The following RAI1 variants were observed in gnomAD, a reference collection of about 807,000 sequenced individuals.
RAI1 encodes the protein retinoic acid-induced protein 1.
A neutral mutation model predicts 123.8 loss-of-function variants in RAI1; 9 were observed. The ratio of observed to expected loss-of-function variants is 0.07; its 90% CI spans 0.04 to 0.13. The LOEUF (loss-of-function observed/expected upper bound fraction) is 0.13, where lower values mean the gene tolerates loss of function less well. RAI1 is among the 10% of genes least tolerant of loss of function. RAI1 has a pLI of 1.00. For missense variants in RAI1, 2,256 were observed against 2,545.8 expected, an observed-to-expected ratio of 0.89 and a Z score of 2.45; for synonymous variants, 1,231 against 1,127.3, an observed-to-expected ratio of 1.09 and a Z score of -1.84.
intron 2 of RAI1, among the ~76,000 whole-genome samples, chr17:17,757,796 C>T (rs946885979): frequency 1.3e-5 from 2 of 152,240 alleles, no homozygotes; most frequent in Admixed American, 6.5e-5. Flanking sequence ...AAGCAGTAAT[C>T]CATCAAAACA....
intron 1 of RAI1, chr17:17,684,700 A>G (rs867399598): frequency 7.3e-4 from 92 of 125,552 alleles, no homozygotes; most frequent in Admixed American, 2.3e-3. Context: ...ATATATATAT[A>G]TATATATGTA....
chr17:17,767,925 G>T (rs1261607376), intron 2 of RAI1, among the ~76,000 whole-genome samples: 3 of 152,168 alleles, frequency 2.0e-5, no homozygotes, highest in Non-Finnish European at 4.4e-5. Context: ...CCAGCCTTGA[G>T]CACTTTCCCA....
At position 17,772,606 on chromosome 17, in the gene RAI1, C is replaced by G. The variant is rs1269153051; in HGVS notation, c.-16-20327C>G. 2.0e-5 allele frequency among the ~76,000 whole-genome samples: 3 copies of G among 152,252 alleles called. No homozygotes were observed. In the South Asian group the frequency reaches 6.2e-4, roughly 32 times the overall value. ...CCACTCGAGAGCCAGCCTGCATTCT[C>G]ACTACTATCTCTCACTCTCTCCTGC... On this transcript the variant is annotated intron_variant, in intron 2 of 5. Coordinates refer to ENST00000353383, the MANE Select transcript of RAI1 (RefSeq NM_030665.4).
At position 17,809,517 on chromosome 17, in the gene RAI1, C is replaced by A; in HGVS notation, c.5709+78C>A. The A allele has an allele frequency of 6.9e-7, 1 of 1,446,524 alleles. No individual in the cohort carries two copies. The highest frequency in any genetic ancestry group is 9.7e-7 in the Non-Finnish European group (1 of 1,032,214). 89.6% of individuals were successfully genotyped at this position (1,446,524 alleles called of 1,614,324 possible). A position where few individuals can be genotyped will look rare whatever the true frequency, so the allele number is the denominator to read the frequency against. Reference sequence around the variant, plus strand: ...CCCACCTCGCACCTCCTTCACAGTCCCCTGGGCCCCCTTGGCTGCGCAGCC... The same window carrying A: ...CCCACCTCGCACCTCCTTCACAGTCACCTGGGCCCCCTTGGCTGCGCAGCC... On this transcript the variant is annotated intron_variant, in intron 5 of 5. Coordinates refer to ENST00000353383, the MANE Select transcript of RAI1 (RefSeq NM_030665.4). This position sits in a 1 kb window ranked among gnomAD's most constrained non-coding sequence, Gnocchi z 4.9.
At position 17,714,274 on chromosome 17, in the gene RAI1, GT is replaced by G. The variant is rs373651797; in HGVS notation, c.-148-9752del. 3.2e-3 allele frequency among the ~76,000 whole-genome samples: 485 copies of G among 152,078 alleles called. 3 individuals are homozygous for G. The highest frequency in any genetic ancestry group is 0.011 in the African/African-American group (462 of 41,466). On this transcript the variant is annotated intron_variant, in intron 1 of 5. Coordinates refer to ENST00000353383, the MANE Select transcript of RAI1 (RefSeq NM_030665.4). This position sits in a 1 kb window ranked among gnomAD's most constrained non-coding sequence, Gnocchi z 4.9. ...CCCTGCCTACCTTGGCCACTGGGAG[GT>G]TCTGAAGAGACTGGAGGACCAGCAG...
At chr17:17,769,249 C>CT (rs1295359644) in intron 2 of RAI1, among the ~76,000 whole-genome samples, 4 of 152,260 alleles carry the variant, frequency 2.6e-5, no homozygotes, top group South Asian at 2.1e-4. Context: ...CTGGGTCACC[C>CT]TCAGGGCTGG....
intron 1 of RAI1, among the ~76,000 whole-genome samples, chr17:17,702,041 T>C (rs1346467519): frequency 6.6e-6 from 1 of 152,214 alleles, no homozygotes; most frequent in East Asian, 1.9e-4. Flanking sequence ...CTGGGAAGGC[T>C]GGGAGAGGCT....
At chr17:17,785,094 G>A (rs954803740) in intron 2 of RAI1, among the ~76,000 whole-genome samples, 1 of 152,218 alleles carries the variant, frequency 6.6e-6, no homozygotes, top group Non-Finnish European at 1.5e-5. Context: ...CAAGGGCCAT[G>A]TGCTGTTTCC....
chr17:17,717,853 A>G (rs1915759863), intron 1 of RAI1, among the ~76,000 whole-genome samples: 1 of 152,166 alleles, frequency 6.6e-6, no homozygotes, highest in South Asian at 2.1e-4. Flanking sequence ...CCTGGAGCCC[A>G]TGTCCAGTGA....
At chr17:17,689,590 A>G (rs1319979448) in intron 1 of RAI1, among the ~76,000 whole-genome samples, 2 of 152,246 alleles carry the variant, frequency 1.3e-5, no homozygotes, top group Non-Finnish European at 2.9e-5. Flanking sequence ...GAAAACAGCC[A>G]TGAATGAGAT....
intron 2 of RAI1, among the ~76,000 whole-genome samples, chr17:17,749,724 C>T (rs368925444): frequency 7.2e-5 from 11 of 152,192 alleles, no homozygotes; most frequent in East Asian, 3.8e-4. Context: ...AGAAGCCTTC[C>T]TGCCCTGGTT....
chr17:17,690,042 T>C (rs1486435613), intron 1 of RAI1, among the ~76,000 whole-genome samples: 2 of 152,126 alleles, frequency 1.3e-5, no homozygotes, highest in Non-Finnish European at 2.9e-5. Context: ...CTTATTGACC[T>C]GGGAAAGTCC....
intron 2 of RAI1, among the ~76,000 whole-genome samples, chr17:17,760,376 C>T (rs567298932): frequency 2.0e-5 from 3 of 151,958 alleles, no homozygotes; most frequent in South Asian, 2.1e-4. Flanking sequence ...CCCATACATC[C>T]TGCATACTCG....
At chr17:17,779,046 C>T (rs1460739775) in intron 2 of RAI1, 2 of 376,002 alleles carry the variant, frequency 5.3e-6, no homozygotes, top group South Asian at 2.0e-5. Context: ...CAGTTGCCCT[C>T]GCCTGGTTTT....
At chr17:17,786,204 G>A (rs563578416) in intron 2 of RAI1, among the ~76,000 whole-genome samples, 1 of 152,290 alleles carries the variant, frequency 6.6e-6, no homozygotes, top group South Asian at 2.1e-4. Context: ...TCGGGAAGAT[G>A]TTCTTTGTCA....
chr17:17,743,361 A>G (rs1267299480), intron 2 of RAI1, among the ~76,000 whole-genome samples: 2 of 152,186 alleles, frequency 1.3e-5, no homozygotes, highest in African/African-American at 4.8e-5. Flanking sequence ...GTGATTTGGG[A>G]GGAATCTGTA....
At chr17:17,724,463 C>T (rs1220402474) in intron 2 of RAI1, among the ~76,000 whole-genome samples, 4 of 119,606 alleles carry the variant, frequency 3.3e-5, no homozygotes, top group Non-Finnish European at 3.3e-5. Flanking sequence ...GCTGGGGATT[C>T]CCCCCTCCCC....
chr17:17,708,431 T>G (rs927053922), intron 1 of RAI1, among the ~76,000 whole-genome samples: 1 of 151,380 alleles, frequency 6.6e-6, no homozygotes, highest in East Asian at 1.9e-4. Context: ...CACACACATA[T>G]ATATATATGT....
chr17:17,716,887 A>G (rs1184812310), intron 1 of RAI1, among the ~76,000 whole-genome samples: 3 of 152,190 alleles, frequency 2.0e-5, no homozygotes, highest in Non-Finnish European at 4.4e-5. Context: ...GAGCAGGCCC[A>G]TCCCGATGTC....
Sources: gnomAD v4.1 joint callset for allele counts (sites outside exome capture counted in the v4.1 genomes callset) on GRCh38, gnomAD v4.1.1 for gene constraint, Gnocchi (gnomAD v3.1) non-coding constraint, MANE v1.5 for transcripts, NCBI Gene and HGNC (gene_info 2026-07-23, HGNC 2026-07-21) for gene names.